Variants in NALF1 observed in about 807,000 individuals in gnomAD.
NALF1 encodes the protein NALCN channel auxiliary factor 1.
Under a neutral mutation model 48.4 loss-of-function variants are expected in NALF1, and 3 were observed. That is an observed-to-expected ratio of 0.06 (90% CI 0.03 to 0.16). NALF1 has a LOEUF of 0.16. Among genes scored for constraint, NALF1 ranks in the 10% least tolerant of loss-of-function variants. The pLI is 1.00. For missense variants in NALF1, 526 were observed against 571.5 expected, an observed-to-expected ratio of 0.92 and a Z score of 0.81; for synonymous variants, 262 against 245.7, an observed-to-expected ratio of 1.07 and a Z score of -0.62.
At chr13:107,767,114 G>C (rs981736621) in intron 1 of NALF1, among the ~76,000 whole-genome samples, 2 of 152,136 alleles carry the variant, frequency 1.3e-5, no homozygotes, top group African/African-American at 4.8e-5. Context: ...AAAAGACAAG[G>C]ACACACCTCA....
chr13:107,234,713 A>T (rs1880304022), intron 1 of NALF1, among the ~76,000 whole-genome samples: 1 of 151,662 alleles, frequency 6.6e-6, no homozygotes, highest in African/African-American at 2.4e-5. Context: ...TAGAAAAAAA[A>T]ACCAAAACAA....
chr13:107,813,841 T>C (rs1879077655), intron 1 of NALF1, among the ~76,000 whole-genome samples: 1 of 152,170 alleles, frequency 6.6e-6, no homozygotes, highest in South Asian at 2.1e-4. Context: ...GTTGCTGAGA[T>C]TCAAGATCAT....
chr13:107,190,704 C>A (rs1879262356), intron 2 of NALF1, among the ~76,000 whole-genome samples: 1 of 151,946 alleles, frequency 6.6e-6, no homozygotes, highest in Admixed American at 6.6e-5. Context: ...TTAAAATTTG[C>A]AAAAGGAATA....
chr13:107,483,251 T>C (rs777738198), intron 1 of NALF1, among the ~76,000 whole-genome samples: 41 of 152,294 alleles, frequency 2.7e-4, no homozygotes, highest in Non-Finnish European at 4.7e-4. Flanking sequence ...GTAAAGTGCA[T>C]ATAAATCTCA....
chr13:107,762,760 G>A (rs920737130), intron 1 of NALF1, among the ~76,000 whole-genome samples: 2 of 152,112 alleles, frequency 1.3e-5, no homozygotes, highest in East Asian at 1.9e-4. Context: ...GCACAACAAC[G>A]TGAATACACT....
chr13:107,831,887 T>C (rs1041419244), intron 1 of NALF1, among the ~76,000 whole-genome samples: 1 of 152,150 alleles, frequency 6.6e-6, no homozygotes, highest in African/African-American at 2.4e-5. Flanking sequence ...AATGCAAAAA[T>C]TCAACATTCT....
At chr13:107,354,101 C>CTTAAATTAAAA (rs1566493602) in intron 1 of NALF1, among the ~76,000 whole-genome samples, 1 of 152,164 alleles carries the variant, frequency 6.6e-6, no homozygotes, top group East Asian at 1.9e-4. Context: ...TCAACTACAA[C>CTTAAATTAAAA]TTAAATTAAA....
intron 1 of NALF1, among the ~76,000 whole-genome samples, chr13:107,659,632 C>CTTAGGG (rs966957415): frequency 2.0e-5 from 3 of 151,202 alleles, no homozygotes; most frequent in Non-Finnish European, 4.4e-5. Flanking sequence ...TTATATGGTG[C>CTTAGGG]TTAGAGTGGT....
intron 1 of NALF1, among the ~76,000 whole-genome samples, chr13:107,769,224 T>C (rs1877505951): frequency 6.7e-6 from 1 of 148,588 alleles, no homozygotes; most frequent in Non-Finnish European, 1.5e-5. Flanking sequence ...CATGCTGCTA[T>C]AAAGACACAT....
chr13:107,351,454 T>C (rs1882870646), intron 1 of NALF1, among the ~76,000 whole-genome samples: 1 of 152,182 alleles, frequency 6.6e-6, no homozygotes, highest in Non-Finnish European at 1.5e-5. Context: ...TCTCCTGCTT[T>C]GATAAGGCTT....
chr13:107,511,438 G>A (rs765602538), intron 1 of NALF1, among the ~76,000 whole-genome samples: 4 of 152,106 alleles, frequency 2.6e-5, no homozygotes, highest in Non-Finnish European at 5.9e-5. Context: ...GAAAACATAT[G>A]CAAATGTGCA....
At chr13:107,459,469 C>G (rs543799783) in intron 1 of NALF1, among the ~76,000 whole-genome samples, 2 of 151,794 alleles carry the variant, frequency 1.3e-5, no homozygotes, top group African/African-American at 4.8e-5. Context: ...CACAATAGAG[C>G]CAAAGACTGA....
intron 1 of NALF1, among the ~76,000 whole-genome samples, chr13:107,259,354 T>A (rs1454542942): frequency 6.6e-6 from 1 of 152,228 alleles, no homozygotes; most frequent in African/African-American, 2.4e-5. Context: ...ATTTCTGCGC[T>A]GGATCCTCTG....
rs566684912 is a variant in NALF1 at position 107,329,312 on chromosome 13, G to T, written c.916-118557C>A. ...AAAATCTCAATGTAAGAATTTTCTA[G>T]AAATTCATATAGCAATTTAATAACA... is the stretch of plus-strand genomic sequence containing the variant. On this transcript the variant is annotated intron_variant, in intron 1 of 2. Transcript: ENST00000375915. Among the ~76,000 whole-genome samples, 8 of 152,182 alleles carry T rather than the reference G, an allele frequency of 5.3e-5. 1 individual carries two copies. In the East Asian group the frequency reaches 9.7e-4, roughly 18 times the overall value.
chr13:107,711,441 T>C (rs899176091), intron 1 of NALF1, among the ~76,000 whole-genome samples: 79 of 152,346 alleles, frequency 5.2e-4, no homozygotes, highest in African/African-American at 1.9e-3. Context: ...GTTCAAACAA[T>C]TCTCCCGTCT....
At chr13:107,482,839 T>C (rs1885274498) in intron 1 of NALF1, among the ~76,000 whole-genome samples, 2 of 152,172 alleles carry the variant, frequency 1.3e-5, no homozygotes, top group Admixed American at 1.3e-4. Context: ...CAACGTGCAC[T>C]ATGAATAATA....
intron 1 of NALF1, among the ~76,000 whole-genome samples, chr13:107,712,522 GA>G (rs2138520426): frequency 6.6e-6 from 1 of 152,320 alleles, no homozygotes; most frequent in Non-Finnish European, 1.5e-5. Flanking sequence ...GATTAATATA[GA>G]AGGTTCTCCT....
chr13:107,529,073 A>G (rs988710235), intron 1 of NALF1, among the ~76,000 whole-genome samples: 4 of 152,046 alleles, frequency 2.6e-5, no homozygotes, highest in African/African-American at 9.7e-5. Flanking sequence ...TTCCCACGGC[A>G]CCCTGACCAG....
chr13:107,435,108 T>C (rs981119277), intron 1 of NALF1, among the ~76,000 whole-genome samples: 4 of 152,052 alleles, frequency 2.6e-5, no homozygotes, highest in African/African-American at 9.7e-5. Context: ...GGGGTAGTCT[T>C]AGCAACTTAG....
Sources: gnomAD v4.1 joint callset for allele counts (sites outside exome capture counted in the v4.1 genomes callset) on GRCh38, gnomAD v4.1.1 for gene constraint, MANE v1.5 for transcripts, NCBI Gene and HGNC (gene_info 2026-07-23, HGNC 2026-07-21) for gene names.